The following MNAT1 variants were observed in gnomAD, a reference collection of about 807,000 sequenced individuals.
MNAT1 encodes MNAT1 component of CDK activating kinase.
MNAT1 carries 43 observed loss-of-function variants against 42.0 expected under a neutral mutation model. That is an observed-to-expected ratio of 1.02 (90% CI 0.80 to 1.32). The LOEUF (loss-of-function observed/expected upper bound fraction) is 1.32. Ranked by LOEUF, MNAT1 falls within the 40% of genes most tolerant of loss-of-function variation. MNAT1 has a pLI of 0.00. For missense variants in MNAT1, 306 were observed against 350.4 expected, an observed-to-expected ratio of 0.87 and a Z score of 1.01; for synonymous variants, 118 against 120.0, an observed-to-expected ratio of 0.98 and a Z score of 0.11.
Position 60,968,232 on chromosome 14 carries a change from T to C in MNAT1, c.813T>C (p.Tyr271=), listed in dbSNP as rs766736692. ...TACACTTCTTGTTTTGTTTTAGGTA[T>C]TTAAACCATGTCAGAGCTGCCTCAC... ...PELEMLGRLG[Y]LNHVRAASPQ... is the part of the protein sequence containing the mutation. Residue 271 remains tyrosine (Y), a synonymous_variant, in exon 8 of 8, where the codon TAT becomes TAC. Coordinates refer to ENST00000261245, the MANE Select transcript of MNAT1 (RefSeq NM_002431.4). The C allele has an allele frequency of 9.9e-6, 16 of 1,610,218 alleles. No individual in the cohort carries two copies. In the Admixed American group the frequency reaches 2.6e-4, roughly 26 times the overall value.
intron 1 of MNAT1, among the ~76,000 whole-genome samples, chr14:60,760,676 A>G (rs1489583625): frequency 6.6e-6 from 1 of 152,244 alleles, no homozygotes; most frequent in East Asian, 1.9e-4. Flanking sequence ...TAAGCACTTT[A>G]TCCACCTCTT....
chr14:60,924,335 A>C (rs1047808530), intron 7 of MNAT1, among the ~76,000 whole-genome samples: 4 of 150,844 alleles, frequency 2.7e-5, no homozygotes, highest in Non-Finnish European at 5.9e-5. Flanking sequence ...AATTTATATT[A>C]CTAAGTTTGT....
chr14:60,917,132 A>G (rs1033768496), intron 7 of MNAT1, among the ~76,000 whole-genome samples: 3 of 152,174 alleles, frequency 2.0e-5, no homozygotes, highest in Non-Finnish European at 4.4e-5. Flanking sequence ...TCACCGCTCA[A>G]ATTGTTTCTA....
intron 1 of MNAT1, among the ~76,000 whole-genome samples, chr14:60,776,540 A>G (rs1489652274): frequency 6.6e-6 from 1 of 152,104 alleles, no homozygotes; most frequent in African/African-American, 2.4e-5. Flanking sequence ...GGGAGACCAG[A>G]CCATATAAGC....
At chr14:60,812,744 G>T (rs530533920) in intron 5 of MNAT1, among the ~76,000 whole-genome samples, 7 of 152,194 alleles carry the variant, frequency 4.6e-5, no homozygotes, top group Non-Finnish European at 8.8e-5. Flanking sequence ...TGCCTATAAA[G>T]ACCCCAGACT....
At chr14:60,796,109 G>A in intron 1 of MNAT1, 108 bp from the exon 2 acceptor site, 1 of 879,116 alleles carries the variant, frequency 1.1e-6, no homozygotes, top group South Asian at 3.5e-5. Context: ...AAATAGAAGT[G>A]ACTAGTTTTC....
intron 7 of MNAT1, among the ~76,000 whole-genome samples, chr14:60,956,112 CTTTTT>C (rs1307393235): frequency 6.6e-6 from 1 of 151,104 alleles, no homozygotes; most frequent in Non-Finnish European, 1.5e-5. Context: ...GATTTTTTTT[CTTTTT>C]AAGTATTGTC....
At chr14:60,776,957 C>T (rs2031275564) in intron 1 of MNAT1, among the ~76,000 whole-genome samples, 1 of 152,074 alleles carries the variant, frequency 6.6e-6, no homozygotes, top group South Asian at 2.1e-4. Flanking sequence ...AGGTGTTTCT[C>T]CTACCCCAGC....
At chr14:60,951,398 C>T (rs1453588887) in intron 7 of MNAT1, among the ~76,000 whole-genome samples, 1 of 149,790 alleles carries the variant, frequency 6.7e-6, no homozygotes, top group Non-Finnish European at 1.5e-5. Flanking sequence ...TGAAACATTT[C>T]CTTTAGTGGT....
intron 7 of MNAT1, among the ~76,000 whole-genome samples, chr14:60,883,020 C>T (rs1225835458): frequency 1.3e-5 from 2 of 152,050 alleles, no homozygotes; most frequent in African/African-American, 2.4e-5. Context: ...AATATTTTCT[C>T]CCATTCTATA....
intron 7 of MNAT1, among the ~76,000 whole-genome samples, chr14:60,887,991 G>A (rs1295489344): frequency 6.7e-6 from 1 of 149,826 alleles, no homozygotes; most frequent in Non-Finnish European, 1.5e-5. Context: ...AGGACCAGAT[G>A]GATTCACAGC....
intron 4 of MNAT1, 199 bp downstream of exon 4, chr14:60,808,627 CATT>C (rs2139347318): frequency 5.3e-6 from 2 of 375,156 alleles, no homozygotes; most frequent in South Asian, 8.5e-5. Context: ...ACTTTGACAG[CATT>C]ATGTTAGACT....
intron 7 of MNAT1, among the ~76,000 whole-genome samples, chr14:60,966,647 G>A (rs1257140403): frequency 2.0e-5 from 3 of 151,998 alleles, no homozygotes; most frequent in African/African-American, 4.8e-5. Context: ...TGGGTAGCTG[G>A]GATTACAGGC....
chr14:60,754,343 T>TC (rs2030237650), intron 1 of MNAT1, among the ~76,000 whole-genome samples: 1 of 144,902 alleles, frequency 6.9e-6, no homozygotes, highest in Non-Finnish European at 1.5e-5. Context: ...AATTTCTTCT[T>TC]TTTTTTTTTT....
intron 6 of MNAT1, among the ~76,000 whole-genome samples, chr14:60,870,088 T>C (rs562059567): frequency 3.4e-4 from 52 of 152,268 alleles, no homozygotes; most frequent in Non-Finnish European, 5.9e-4. Context: ...TACTGCCATG[T>C]ATAACTACCC....
chr14:60,854,129 G>T (rs2139422161), intron 6 of MNAT1, among the ~76,000 whole-genome samples: 1 of 152,272 alleles, frequency 6.6e-6, no homozygotes, highest in South Asian at 2.1e-4. Flanking sequence ...AAGTTCTCGT[G>T]CTGTGTTTTT....
chr14:60,939,767 G>A (rs558699118), intron 7 of MNAT1, among the ~76,000 whole-genome samples: 1 of 152,304 alleles, frequency 6.6e-6, no homozygotes, highest in South Asian at 2.1e-4. Flanking sequence ...GCAGAGCTGA[G>A]TTCAGTTCCT....
At chr14:60,738,749 G>A (rs1896381689) in intron 1 of MNAT1, among the ~76,000 whole-genome samples, 1 of 151,714 alleles carries the variant, frequency 6.6e-6, no homozygotes, top group East Asian at 1.9e-4. Flanking sequence ...TGGTCAGGCT[G>A]GTCTTGAACT....
chr14:60,874,933 T>C (rs2034405635), intron 6 of MNAT1, among the ~76,000 whole-genome samples: 1 of 152,188 alleles, frequency 6.6e-6, no homozygotes, highest in Non-Finnish European at 1.5e-5. Flanking sequence ...TGTAAGTCAT[T>C]GTTCTCTAAG....
Sources: allele counts gnomAD v4.1 joint callset (sites outside exome capture counted in the v4.1 genomes callset), GRCh38; gene constraint gnomAD v4.1.1; transcripts MANE v1.5; gene names NCBI Gene and HGNC (gene_info 2026-07-23, HGNC 2026-07-21).